GEMIN2: variants seen among roughly 807,000 people sequenced by gnomAD.
The protein encoded by GEMIN2 is gem-associated protein 2.
Under a neutral mutation model 45.8 loss-of-function variants are expected in GEMIN2, and 37 were observed. The ratio of observed to expected loss-of-function variants is 0.81; its 90% CI spans 0.62 to 1.06. The LOEUF (loss-of-function observed/expected upper bound fraction) is 1.06, where lower values mean the gene tolerates loss of function less well. Ranked by LOEUF, GEMIN2 falls within the 50% of genes least tolerant of loss-of-function variation. The probability of loss-of-function intolerance (pLI) is 0.00; values close to 1 mark genes in which losing one functional copy is unlikely to be tolerated. For missense variants in GEMIN2, 335 were observed against 321.8 expected, an observed-to-expected ratio of 1.04 and a Z score of -0.31; for synonymous variants, 101 against 111.5, an observed-to-expected ratio of 0.91 and a Z score of 0.60.
intron 7 of GEMIN2, among the ~76,000 whole-genome samples, chr14:39,131,351 T>G (rs960432883): frequency 6.6e-6 from 1 of 152,190 alleles, no homozygotes; most frequent in Non-Finnish European, 1.5e-5. Flanking sequence ...ATTTTTAAAG[T>G]GAATCAAAGT....
intron 2 of GEMIN2, among the ~76,000 whole-genome samples, chr14:39,117,053 A>G (rs2052517698): frequency 6.6e-6 from 1 of 152,188 alleles, no homozygotes; most frequent in South Asian, 2.1e-4. Context: ...CAGGCGGATC[A>G]CCTGAGGTGG....
chr14:39,128,796 T>G (rs959523985), intron 7 of GEMIN2, among the ~76,000 whole-genome samples: 1 of 151,986 alleles, frequency 6.6e-6, no homozygotes, highest in Non-Finnish European at 1.5e-5. Context: ...AGCCACCATG[T>G]GTGCGGCCTT....
At chr14:39,126,337 C>A (rs2052641110) in intron 6 of GEMIN2, among the ~76,000 whole-genome samples, 1 of 151,714 alleles carries the variant, frequency 6.6e-6, no homozygotes, top group Non-Finnish European at 1.5e-5. Context: ...TGCTACCATG[C>A]CTGGCTAATT....
intron 5 of GEMIN2, 176 bp downstream of exon 5, chr14:39,122,719 G>T: frequency 2.3e-6 from 1 of 436,144 alleles, no homozygotes; most frequent in Non-Finnish European, 4.1e-6. Flanking sequence ...AATAATATGT[G>T]GCTGAGACTT....
At chr14:39,134,389 T>C (rs1344687369) in intron 9 of GEMIN2, 2 of 152,192 alleles carry the variant, frequency 1.3e-5, no homozygotes, top group Non-Finnish European at 2.9e-5. Flanking sequence ...CGGCTAATTT[T>C]TGTAATTTTG....
chr14:39,133,696 T>C lies in GEMIN2; in HGVS notation c.747T>C (p.Asn249=), dbSNP rs2052749481. ...ATGATGAGAGGGTTCCTGCTTTGAA[T>C]TTATTAATCTGCTTGGTTAGCAGGT... ...SKDDERVPAL[N]LLICLVSRYF... The change falls in exon 9 of 10, where the codon AAT becomes AAC. Residue 249 remains asparagine, a synonymous_variant. Coordinates refer to ENST00000308317, the MANE Select transcript of GEMIN2 (RefSeq NM_003616.3). 2 of 1,545,678 alleles carry C rather than the reference T, an allele frequency of 1.3e-6. No homozygotes were observed. Among genetic ancestry groups the C allele is most frequent in the East Asian group, 4.7e-5 (2 of 42,978 alleles).
intron 5 of GEMIN2, among the ~76,000 whole-genome samples, chr14:39,124,356 A>G (rs17679493): frequency 0.29 from 44,474 of 152,168 alleles, 7,651 homozygotes; most frequent in Non-Finnish European, 0.38. Flanking sequence ...TATTAATGTC[A>G]TCTTATCAAT....
intron 6 of GEMIN2, among the ~76,000 whole-genome samples, chr14:39,125,309 T>A (rs2052625103): frequency 4.6e-5 from 7 of 152,188 alleles, no homozygotes; most frequent in Non-Finnish European, 1.5e-5. Flanking sequence ...GCCAGGTAGA[T>A]CTAACTCCAG....
At chr14:39,124,689 C>T (rs1383596561) in intron 5 of GEMIN2, among the ~76,000 whole-genome samples, 1 of 152,094 alleles carries the variant, frequency 6.6e-6, no homozygotes, top group Non-Finnish European at 1.5e-5. Context: ...GGGAGCATCA[C>T]CTGAGCCCAG....
In GEMIN2 at chr14:39,118,564, TG is replaced by T; in HGVS notation, c.339del (p.Trp113Ter). ...RQNVNKHRSH[W>X]KSQQLDSNVT... Reference sequence around the variant, plus strand: ...GAATGTGAACAAACATAGAAGTCACTGGAAATCACAACAGTTGGATAGTAAT... The same window carrying T: ...GAATGTGAACAAACATAGAAGTCACTGAAATCACAACAGTTGGATAGTAAT... On this transcript the variant is annotated frameshift_variant, in exon 4 of 10. Coordinates refer to ENST00000308317, the MANE Select transcript of GEMIN2 (RefSeq NM_003616.3). LOFTEE classifies it high-confidence loss of function. The T allele has an allele frequency of 2.0e-6, 3 of 1,509,308 alleles. No individual in the cohort carries two copies. The highest frequency in any genetic ancestry group is 2.3e-5 in the East Asian group (1 of 44,306). 93.5% of individuals were successfully genotyped at this position (1,509,308 alleles called of 1,614,324 possible).
At chr14:39,124,858 G>T in intron 5 of GEMIN2, 134 bp from the exon 6 acceptor site, 3 of 614,134 alleles carry the variant, frequency 4.9e-6, no homozygotes, top group Non-Finnish European at 8.8e-6. Context: ...TCATTGTTAT[G>T]GACAATGAAA....
intron 1 of GEMIN2, 82 bp from the exon 2 acceptor site, chr14:39,114,745 CTG>C: frequency 1.2e-6 from 1 of 800,642 alleles, no homozygotes; most frequent in South Asian, 1.5e-5. Flanking sequence ...TCACAATGAA[CTG>C]TGGAAGTGGA....
intron 5 of GEMIN2, 68 bp downstream of exon 5, chr14:39,122,611 TCA>T: frequency 3.9e-6 from 3 of 767,862 alleles, no homozygotes; most frequent in Non-Finnish European, 6.6e-6. Context: ...ATATAAGGGG[TCA>T]GCAAACTCTA....
chr14:39,128,485 C>CTTTTTTTTT lies in GEMIN2; in HGVS notation c.600+152_600+160dup, dbSNP rs71130820. 45 of 148,468 alleles carry CTTTTTTTTT rather than the reference C, an allele frequency of 3.0e-4. 2 individuals carry two copies. The highest frequency in any genetic ancestry group is 1.1e-3 in the African/African-American group (20 of 18,646). The allele number at this position is 148,468 out of a possible 1,614,324, so 9.2% of individuals were successfully genotyped here. On this transcript the variant is annotated intron_variant, in intron 7 of 9. Coordinates refer to ENST00000308317, the MANE Select transcript of GEMIN2 (RefSeq NM_003616.3). ...ACTGCACATTTTCTTTTTTTCTTTTCTTTTTTTTTTTTTTTTTTTTTTTGA... is the reference window on the plus strand; with the variant it reads ...ACTGCACATTTTCTTTTTTTCTTTTCTTTTTTTTTTTTTTTTTTTTTTTTTTTTTTTTGA...
In GEMIN2 at chr14:39,118,578, G is replaced by C. The variant is rs990411386; in HGVS notation, c.351G>C (p.Gln117His). 2 of 1,497,346 alleles carry C rather than the reference G, an allele frequency of 1.3e-6. No homozygotes were observed. Among genetic ancestry groups the C allele is most frequent in the Non-Finnish European group, 1.9e-6 (2 of 1,074,210 alleles). The allele number at this position is 1,497,346 out of a possible 1,614,324, so 92.8% of individuals were successfully genotyped here. A position where few individuals can be genotyped will look rare whatever the true frequency, so the allele number is the denominator to read the frequency against. Reference sequence around the variant, plus strand: ...ATAGAAGTCACTGGAAATCACAACAGTTGGATAGTAATGTGACAATGGTAT... The same window carrying C: ...ATAGAAGTCACTGGAAATCACAACACTTGGATAGTAATGTGACAATGGTAT... ...NKHRSHWKSQ[Q>H]LDSNVTMPKS... The change falls in exon 4 of 10, where the codon CAG becomes CAC. Residue 117 changes from glutamine (Q) to histidine (H), a missense_variant. By Grantham distance (24) the Gln-to-His change is conservative. Transcript: ENST00000308317.
intron 2 of GEMIN2, 67 bp downstream of exon 2, chr14:39,114,980 T>G: frequency 1.3e-6 from 1 of 786,756 alleles, no homozygotes; most frequent in Non-Finnish European, 2.3e-6. Flanking sequence ...GCTCTTCCTA[T>G]AGTATCTGAC....
intron 7 of GEMIN2, among the ~76,000 whole-genome samples, chr14:39,130,668 C>T (rs757426456): frequency 6.6e-5 from 10 of 152,064 alleles, no homozygotes; most frequent in Non-Finnish European, 1.2e-4. Context: ...CCGAGGTGGG[C>T]GGATCACTTG....
chr14:39,128,240 A>G, intron 6 of GEMIN2, 40 bp from the exon 7 acceptor site: 1 of 1,079,200 alleles, frequency 9.3e-7, no homozygotes. Flanking sequence ...ATGTTTTATT[A>G]TTAATACAAC....
intron 5 of GEMIN2, chr14:39,122,794 A>C (rs1003670371): frequency 3.2e-6 from 1 of 315,092 alleles, no homozygotes; most frequent in Non-Finnish European, 5.7e-6. Context: ...TTGCCAACCC[A>C]GACTTAGTTT....
Sources: gnomAD v4.1 joint callset for allele counts (sites outside exome capture counted in the v4.1 genomes callset) on GRCh38, gnomAD v4.1.1 for gene constraint, MANE v1.5 for transcripts, NCBI Gene and HGNC (gene_info 2026-07-23, HGNC 2026-07-21) for gene names.